The following DPYD variants were observed in gnomAD, a reference collection of about 807,000 sequenced individuals.
DPYD encodes dihydropyrimidine dehydrogenase [NADP(+)].
Under a neutral mutation model 116.2 loss-of-function variants are expected in DPYD, and 109 were observed. The ratio of observed to expected loss-of-function variants is 0.94; its 90% CI spans 0.80 to 1.10. DPYD has a LOEUF of 1.10. Ranked by LOEUF, DPYD falls within the 50% of genes least tolerant of loss-of-function variation. The probability of loss-of-function intolerance (pLI) is 0.00; values close to 1 mark genes in which losing one functional copy is unlikely to be tolerated. For missense variants in DPYD, 1,302 were observed against 1,254.5 expected (o/e 1.04, Z -0.57); for synonymous variants, 440 against 432.0 (o/e 1.02, Z -0.23).
chr1:97,743,488 G>A (rs1320205337), intron 3 of DPYD, among the ~76,000 whole-genome samples: 1 of 152,064 alleles, frequency 6.6e-6, no homozygotes, highest in Non-Finnish European at 1.5e-5. Flanking sequence ...AGCGGTGGGG[G>A]TTGATCATCA....
intron 13 of DPYD, among the ~76,000 whole-genome samples, chr1:97,463,383 G>A (rs1677128512): frequency 6.6e-6 from 1 of 152,148 alleles, no homozygotes; most frequent in African/African-American, 2.4e-5. Context: ...TGCCATGATT[G>A]TGAGGCCTCT....
intron 3 of DPYD, among the ~76,000 whole-genome samples, chr1:97,807,539 T>C (rs1033216418): frequency 6.6e-6 from 1 of 152,130 alleles, no homozygotes; most frequent in Non-Finnish European, 1.5e-5. Context: ...TTATGTCATT[T>C]ATTTATCTGT....
At chr1:97,445,725 A>T (rs1426399344) in intron 14 of DPYD, among the ~76,000 whole-genome samples, 13 of 138,408 alleles carry the variant, frequency 9.4e-5, no homozygotes, top group South Asian at 6.9e-4. Flanking sequence ...AAATTGTCTG[A>T]TTTTTTTTTT....
chr1:97,641,422 T>A (rs1350903918), intron 8 of DPYD, among the ~76,000 whole-genome samples: 1 of 152,116 alleles, frequency 6.6e-6, no homozygotes, highest in Non-Finnish European at 1.5e-5. Context: ...AGATTTTACT[T>A]CTACTCCTGA....
At chr1:97,278,197 G>A (rs1665079508) in intron 18 of DPYD, among the ~76,000 whole-genome samples, 1 of 152,126 alleles carries the variant, frequency 6.6e-6, no homozygotes. Context: ...TTTCTGTCTT[G>A]AGCAATACCT....
intron 10 of DPYD, among the ~76,000 whole-genome samples, chr1:97,589,322 C>G (rs1027594328): frequency 6.6e-6 from 1 of 152,194 alleles, no homozygotes; most frequent in Non-Finnish European, 1.5e-5. Flanking sequence ...GAATTGTAAT[C>G]CCCATAATCC....
intron 20 of DPYD, among the ~76,000 whole-genome samples, chr1:97,116,603 T>C (rs969716599): frequency 6.6e-6 from 1 of 150,964 alleles, no homozygotes; most frequent in African/African-American, 2.5e-5. Flanking sequence ...GCCCAGGAGG[T>C]CAAGGCTGCA....
Position 97,863,169 on chromosome 1 carries a change from GAGGAACATGACCT to G in DPYD, c.150+20082_150+20094del. 2.0e-5 allele frequency among the ~76,000 whole-genome samples: 3 copies of G among 151,974 alleles called. No individual in the cohort carries two copies. The Middle Eastern group carries it at 0.01, about 517-fold the overall frequency. On this transcript the variant is annotated intron_variant, in intron 2 of 22. Transcript: ENST00000370192. ...TGGTATGCATTGAGGGCATCCAGCA[GAGGAACATGACCT>G]AGGCCACAGATTCAGAGGTTACCCT...
At chr1:97,627,283 A>G (rs1318099080) in intron 8 of DPYD, among the ~76,000 whole-genome samples, 1 of 152,120 alleles carries the variant, frequency 6.6e-6, no homozygotes, top group African/African-American at 2.4e-5. Flanking sequence ...AATTTAACTT[A>G]CAACATATTG....
intron 8 of DPYD, among the ~76,000 whole-genome samples, chr1:97,628,345 C>T (rs1657057316): frequency 6.6e-6 from 1 of 152,054 alleles, no homozygotes; most frequent in Admixed American, 6.6e-5. Flanking sequence ...ATACGTATCA[C>T]ATTCCTAGAC....
At chr1:97,303,813 C>T (rs1667000464) in intron 18 of DPYD, among the ~76,000 whole-genome samples, 1 of 151,750 alleles carries the variant, frequency 6.6e-6, no homozygotes, top group Non-Finnish European at 1.5e-5. Context: ...AAGCTTATAG[C>T]CCAAGTGAAT....
chr1:97,268,394 C>G (rs923742672), intron 18 of DPYD, among the ~76,000 whole-genome samples: 16 of 152,162 alleles, frequency 1.1e-4, no homozygotes, highest in Non-Finnish European at 7.3e-5. Flanking sequence ...TAGTCTCACT[C>G]CTGCACTCTG....
intron 1 of DPYD, among the ~76,000 whole-genome samples, chr1:97,910,534 G>C (rs987585450): frequency 1.3e-5 from 2 of 151,986 alleles, no homozygotes; most frequent in African/African-American, 4.8e-5. Flanking sequence ...ATGTAAGTAT[G>C]ATTTCTATCC....
Position 97,679,122 on chromosome 1 carries a change from C to A in DPYD, c.823G>T (p.Gly275Cys), listed in dbSNP as rs1557878231. 1 of 1,582,894 alleles carries A rather than the reference C, an allele frequency of 6.3e-7. No individual in the cohort carries two copies. The highest frequency in any genetic ancestry group is 2.2e-5 in the East Asian group (1 of 44,480). ...EMTLSTLKEKGYKAAFIGIGL... is the reference protein window; with the variant it reads ...EMTLSTLKEKCYKAAFIGIGL... ...ATTCCAATGAAAGCAGCTTTGTAGCCTTTTTCTTTCAAAGTGCTAAGAGTC... is the reference window on the plus strand; with the variant it reads ...ATTCCAATGAAAGCAGCTTTGTAGCATTTTTCTTTCAAAGTGCTAAGAGTC... The change falls in exon 8 of 23, where the codon GGC becomes TGC. Residue 275 changes from glycine (G) to cysteine (C), a missense_variant. Transcript: ENST00000370192.
chr1:97,364,320 T>C (rs1361923759), intron 16 of DPYD, among the ~76,000 whole-genome samples: 7 of 152,148 alleles, frequency 4.6e-5, no homozygotes, highest in South Asian at 2.1e-4. Context: ...CATGAACACA[T>C]ACTAAGGTTA....
intron 4 of DPYD, 125 bp from the exon 5 acceptor site, chr1:97,721,796 TAGGTTTCAATACTACTATC>T: frequency 2.3e-6 from 2 of 862,010 alleles, no homozygotes; most frequent in South Asian, 3.3e-5. Context: ...ATAAGATGCA[TAGGTTTCAATACTACTATC>T]AGGAACCATC....
chr1:97,716,049 C>A (rs781241178), intron 5 of DPYD, among the ~76,000 whole-genome samples: 7 of 152,002 alleles, frequency 4.6e-5, no homozygotes, highest in Non-Finnish European at 8.8e-5. Context: ...ATTCCCAATT[C>A]TTCAAAACTG....
intron 19 of DPYD, among the ~76,000 whole-genome samples, chr1:97,200,482 T>C (rs935445341): frequency 2.0e-5 from 3 of 152,174 alleles, no homozygotes; most frequent in African/African-American, 4.8e-5. Flanking sequence ...CCCATGAATG[T>C]GGTTCATATA....
At chr1:97,474,123 T>G (rs1390359647) in intron 13 of DPYD, among the ~76,000 whole-genome samples, 1 of 151,844 alleles carries the variant, frequency 6.6e-6, no homozygotes, top group East Asian at 1.9e-4. Flanking sequence ...TATTTCTGGG[T>G]GTATATCAAA....
Sources: allele counts gnomAD v4.1 joint callset (sites outside exome capture counted in the v4.1 genomes callset), GRCh38; gene constraint gnomAD v4.1.1; transcripts MANE v1.5; gene names NCBI Gene and HGNC (gene_info 2026-07-23, HGNC 2026-07-21).